Variants in ARID3A observed in about 807,000 individuals in gnomAD.
The protein encoded by ARID3A is AT-rich interaction domain 3A.
Under a neutral mutation model 52.7 loss-of-function variants are expected in ARID3A, and 11 were observed. That is an observed-to-expected ratio of 0.21 (90% CI 0.13 to 0.35). The LOEUF (loss-of-function observed/expected upper bound fraction) is 0.35. Among genes scored for constraint, ARID3A ranks in the 10% least tolerant of loss-of-function variants. The pLI, the probability that ARID3A is intolerant of heterozygous loss-of-function variation, is 1.00. For synonymous variants in ARID3A, 404 were observed against 359.4 expected, an observed-to-expected ratio of 1.12 and a Z score of -1.40; for missense variants, 721 against 838.5, an observed-to-expected ratio of 0.86 and a Z score of 1.73.
chr19:954,289 G>A lies in ARID3A; in HGVS notation c.694-5803G>A, dbSNP rs530570927. The stretch of plus-strand genomic sequence containing the variant: ...TCTGTGCCTCGGTTTCCCCTTCTCC[G>A]AAGCAGGTGGTGCTGGGAAGGGGAG... On this transcript the variant is annotated intron_variant, in intron 3 of 8. Coordinates refer to ENST00000263620, the MANE Select transcript of ARID3A (RefSeq NM_005224.3). Among the ~76,000 whole-genome samples, 16 of 152,322 alleles carry A rather than the reference G, an allele frequency of 1.1e-4. No individual in the cohort carries two copies. In the East Asian group the frequency reaches 1.4e-3, roughly 13 times the overall value.
intron 2 of ARID3A, among the ~76,000 whole-genome samples, chr19:931,625 A>C (rs539917582): frequency 1.3e-5 from 2 of 152,228 alleles, no homozygotes; most frequent in South Asian, 4.1e-4. Context: ...ATCCTGGCTC[A>C]CACGGTGAAA....
At chr19:952,438 T>G (rs2037818672) in intron 3 of ARID3A, among the ~76,000 whole-genome samples, 1 of 37,608 alleles carries the variant, frequency 2.7e-5, no homozygotes, top group African/African-American at 1.3e-4. Context: ...CGAGACCCTG[T>G]CTCAAAAAAA....
chr19:949,250 G>C (rs1388150231), intron 3 of ARID3A, among the ~76,000 whole-genome samples: 1 of 152,168 alleles, frequency 6.6e-6, no homozygotes, highest in Non-Finnish European at 1.5e-5. Flanking sequence ...CCCAGCGGCG[G>C]CGTGGGTGCC....
chr19:972,264 G>A lies in ARID3A; in HGVS notation c.*199G>A, dbSNP rs1247412491. On this transcript the variant is annotated 3_prime_UTR_variant, in exon 9 of 9. Transcript: ENST00000263620. ...ATATATATACACGTATATATATAAA[G>A]AGAATTTAATAAAACAGGGGAAAAC... 4.2e-6 allele frequency: 1 copy of A among 239,352 alleles called. No homozygotes were observed. The highest frequency in any genetic ancestry group is 6.6e-5 in the East Asian group (1 of 15,126). 14.8% of individuals were successfully genotyped at this position (239,352 alleles called of 1,614,324 possible).
intron 8 of ARID3A, 111 bp downstream of exon 8, chr19:968,614 A>G: frequency 1.0e-6 from 1 of 963,210 alleles, no homozygotes; most frequent in Non-Finnish European, 1.6e-6. Flanking sequence ...TGTGCGGGCG[A>G]GCAGGGCACG....
rs1033125117 is a variant in ARID3A, at chr19:941,439, C to T, written c.693+8697C>T. Among the ~76,000 whole-genome samples, 4 of 152,178 alleles carry T rather than the reference C, an allele frequency of 2.6e-5. No individual in the cohort carries two copies. Among genetic ancestry groups the T allele is most frequent in the Non-Finnish European group, 2.9e-5 (2 of 68,028 alleles). On this transcript the variant is annotated intron_variant, in intron 3 of 8. Transcript: ENST00000263620. This position sits in a 1 kb window ranked among gnomAD's most constrained non-coding sequence, Gnocchi z 6.9. Reference sequence around the variant, plus strand: ...CCCAGCCAGCGGCACCTCACGCGCCCGCCTGCGTGTCCCCAGCCAGCACCA... The same window carrying T: ...CCCAGCCAGCGGCACCTCACGCGCCTGCCTGCGTGTCCCCAGCCAGCACCA...
At chr19:930,691 A>G (rs1025050152) in intron 2 of ARID3A, among the ~76,000 whole-genome samples, 5 of 150,282 alleles carry the variant, frequency 3.3e-5, no homozygotes, top group Non-Finnish European at 7.4e-5. Flanking sequence ...TTGTATTTTT[A>G]GTAGAGACGG....
chr19:944,085 A>C lies in ARID3A; in HGVS notation c.693+11343A>C, dbSNP rs1357775643. Among the ~76,000 whole-genome samples the C allele has an allele frequency of 2.0e-5, 3 of 146,612 alleles. No homozygotes were observed. Among genetic ancestry groups the C allele is most frequent in the Non-Finnish European group, 1.5e-5 (1 of 66,790 alleles). On this transcript the variant is annotated intron_variant, in intron 3 of 8. Coordinates refer to ENST00000263620, the MANE Select transcript of ARID3A (RefSeq NM_005224.3). The surrounding 1 kb of genome is among the most constrained non-coding windows in gnomAD (Gnocchi z 5.9). Reference sequence around the variant, plus strand: ...ATCTGTATGCCAGCCCGACCCTCTCATGGGCACCTACAGGGTACCTGCTGT... The same window carrying C: ...ATCTGTATGCCAGCCCGACCCTCTCCTGGGCACCTACAGGGTACCTGCTGT...
At position 938,315 on chromosome 19, in the gene ARID3A, T is replaced by A. The variant is rs1490627883; in HGVS notation, c.693+5573T>A. On this transcript the variant is annotated intron_variant, in intron 3 of 8. Transcript: ENST00000263620. This position sits in a 1 kb window ranked among gnomAD's most constrained non-coding sequence, Gnocchi z 4.0. ...GTAGGAATGACGGCACTAGCCGGTATCTGTTGCTTCACTGCGTGAAGAAAG... is the reference window on the plus strand; with the variant it reads ...GTAGGAATGACGGCACTAGCCGGTAACTGTTGCTTCACTGCGTGAAGAAAG... Among the ~76,000 whole-genome samples the A allele has an allele frequency of 6.6e-6, 1 of 152,214 alleles. No homozygotes were observed. The highest frequency in any genetic ancestry group is 1.5e-5 in the Non-Finnish European group (1 of 68,044).
rs2037716656 is a variant in ARID3A, at chr19:947,725, T to C, written c.694-12367T>C. 6.6e-6 allele frequency among the ~76,000 whole-genome samples: 1 copy of C among 152,316 alleles called. No homozygotes were observed. Among genetic ancestry groups the C allele is most frequent in the South Asian group, 2.1e-4 (1 of 4,822 alleles). On this transcript the variant is annotated intron_variant, in intron 3 of 8. Transcript: ENST00000263620. The surrounding 1 kb of genome is among the most constrained non-coding windows in gnomAD (Gnocchi z 6.3). ...CTTCCCGGGCCGCGCTTCATTGTCA[T>C]TTCTGGAGAGTGTTATTAATATCCG...
At chr19:945,525 C>G (rs2037659851) in intron 3 of ARID3A, among the ~76,000 whole-genome samples, 1 of 152,336 alleles carries the variant, frequency 6.6e-6, no homozygotes, top group African/African-American at 2.4e-5. Flanking sequence ...TGAGTGACTC[C>G]TCCGAGGCTG....
At position 934,343 on chromosome 19, in the gene ARID3A, C is replaced by A. The variant is rs57784667; in HGVS notation, c.693+1601C>A. 2.8e-3 allele frequency among the ~76,000 whole-genome samples: 427 copies of A among 152,298 alleles called. 3 individuals carry two copies. Among genetic ancestry groups the A allele is most frequent in the African/African-American group, 9.8e-3 (409 of 41,576 alleles). ...GATGGGGGAGTTTTGGGGTGACTGG[C>A]CCAGACCAGGCAGGGATGAGGGGCC... On this transcript the variant is annotated intron_variant, in intron 3 of 8. Transcript: ENST00000263620.
Position 964,675 on chromosome 19 carries a change from G to A in ARID3A, c.951-158G>A, listed in dbSNP as rs896086361. The stretch of plus-strand genomic sequence containing the variant: ...TGCGAGGAACAGCATTGAGATGGAG[G>A]GAATGGGCAAAGGCCCAGCAGCTCT... On this transcript the variant is annotated intron_variant, in intron 5 of 8. Transcript: ENST00000263620. The surrounding 1 kb of genome is among the most constrained non-coding windows in gnomAD (Gnocchi z 5.7). Among the ~76,000 whole-genome samples the A allele has an allele frequency of 1.2e-4, 18 of 152,314 alleles. No individual in the cohort carries two copies. The highest frequency in any genetic ancestry group is 3.8e-4 in the African/African-American group (16 of 41,578).
At chr19:935,404 G>A (rs540719759) in intron 3 of ARID3A, among the ~76,000 whole-genome samples, 2 of 152,304 alleles carry the variant, frequency 1.3e-5, no homozygotes, top group African/African-American at 2.4e-5. Flanking sequence ...GATGTCTGAC[G>A]TAGCCTCCTG....
chr19:970,875 G>C (rs989438371), intron 8 of ARID3A, among the ~76,000 whole-genome samples: 2 of 152,128 alleles, frequency 1.3e-5, no homozygotes, highest in East Asian at 1.9e-4. Flanking sequence ...GCCCCCGCCC[G>C]GCTGTGGTCA....
At position 959,214 on chromosome 19, in the gene ARID3A, G is replaced by C. The variant is rs951885025; in HGVS notation, c.694-878G>C. ...AACCTGGAGCCCCCAGAAGCCGTGA[G>C]AGGCAGGAAGGTTCCTCCCTTGGAG... On this transcript the variant is annotated intron_variant, in intron 3 of 8. Coordinates refer to ENST00000263620, the MANE Select transcript of ARID3A (RefSeq NM_005224.3). The surrounding 1 kb of genome is among the most constrained non-coding windows in gnomAD (Gnocchi z 5.0). Among the ~76,000 whole-genome samples the C allele has an allele frequency of 6.6e-6, 1 of 152,152 alleles. No individual in the cohort carries two copies.
intron 3 of ARID3A, among the ~76,000 whole-genome samples, chr19:946,418 C>G (rs1237531158): frequency 7.0e-6 from 1 of 141,940 alleles, no homozygotes; most frequent in Non-Finnish European, 1.5e-5. Flanking sequence ...TGCACCACCA[C>G]GCCCGGCTAA....
At chr19:946,386 C>G (rs545621017) in intron 3 of ARID3A, among the ~76,000 whole-genome samples, 1 of 150,818 alleles carries the variant, frequency 6.6e-6, no homozygotes, top group African/African-American at 2.4e-5. Flanking sequence ...CTTAGCCTCC[C>G]GAGTAGCTGG....
At chr19:963,459 A>G (rs938678667) in intron 4 of ARID3A, among the ~76,000 whole-genome samples, 35 of 152,180 alleles carry the variant, frequency 2.3e-4, no homozygotes, top group Non-Finnish European at 1.3e-4. Flanking sequence ...GGCTGGGCAG[A>G]GGTGGAGCTG....
Sources: allele counts gnomAD v4.1 joint callset (sites outside exome capture counted in the v4.1 genomes callset), GRCh38; gene constraint gnomAD v4.1.1; non-coding constraint Gnocchi (gnomAD v3.1); transcripts MANE v1.5; gene names NCBI Gene and HGNC (gene_info 2026-07-23, HGNC 2026-07-21).